The following ROBO1 variants were observed in gnomAD, a reference collection of about 807,000 sequenced individuals.
ROBO1 encodes the protein roundabout guidance receptor 1.
ROBO1 carries 149 observed loss-of-function variants against 195.9 expected under a neutral mutation model. That is an observed-to-expected ratio of 0.76 (90% CI 0.67 to 0.87). ROBO1 has a LOEUF of 0.87. Among genes scored for constraint, ROBO1 ranks in the 40% least tolerant of loss-of-function variants. The pLI, the probability that ROBO1 is intolerant of heterozygous loss-of-function variation, is 0.00. For synonymous variants in ROBO1, 816 were observed against 733.2 expected (o/e 1.11, Z -1.82); for missense variants, 1,933 against 2,068.3 (o/e 0.93, Z 1.27).
chr3:78,764,250 G>A lies in ROBO1; in HGVS notation c.500-17350C>T, dbSNP rs868060895. Among the ~76,000 whole-genome samples the A allele has an allele frequency of 3.9e-5, 6 of 152,016 alleles. 1 individual carries two copies. The South Asian group carries it at 1.0e-3, about 26-fold the overall frequency. The stretch of plus-strand genomic sequence containing the variant: ...ATGTTTTAGTTAGAAGGAATTTAGA[G>A]ATCTTTTTAGTCCAACTCTTCTTCA... On this transcript the variant is annotated intron_variant, in intron 4 of 30. Coordinates refer to ENST00000464233, the MANE Select transcript of ROBO1 (RefSeq NM_002941.4).
At chr3:78,613,910 C>T (rs1703957681) in intron 28 of ROBO1, among the ~76,000 whole-genome samples, 1 of 152,110 alleles carries the variant, frequency 6.6e-6, no homozygotes, top group Admixed American at 6.6e-5. Context: ...CTCCTCCACC[C>T]CTTTAGCAAA....
At chr3:79,089,394 C>T (rs2079435112) in intron 3 of ROBO1, among the ~76,000 whole-genome samples, 2 of 152,100 alleles carry the variant, frequency 1.3e-5, no homozygotes, top group Admixed American at 6.5e-5. Flanking sequence ...TTTTAATAGC[C>T]GACTAGTCAA....
At chr3:79,183,652 C>T (rs1055438797) in intron 2 of ROBO1, among the ~76,000 whole-genome samples, 1 of 152,252 alleles carries the variant, frequency 6.6e-6, no homozygotes, top group Admixed American at 6.5e-5. Flanking sequence ...GGTTGGGTTA[C>T]AAAGATAGGA....
At chr3:79,443,218 G>A (rs2039120184) in intron 2 of ROBO1, among the ~76,000 whole-genome samples, 1 of 152,156 alleles carries the variant, frequency 6.6e-6, no homozygotes, top group Admixed American at 6.5e-5. Flanking sequence ...CGAGGTTTAA[G>A]CCACTTGAAA....
rs138436051 is a variant in ROBO1, at chr3:79,625,068, C to T, written c.-50-35107G>A. Among the ~76,000 whole-genome samples the T allele has an allele frequency of 9.4e-3, 1,430 of 151,874 alleles. 21 individuals carry two copies. The highest frequency in any genetic ancestry group is 0.033 in the African/African-American group (1,351 of 41,442). ...ACTCACTTGAAACCACACGATTATA[C>T]GGAAAATGAACAACCTGCTTCTGAA... On this transcript the variant is annotated intron_variant, in intron 1 of 30. Coordinates refer to ENST00000464233, the MANE Select transcript of ROBO1 (RefSeq NM_002941.4).
rs1413819287 is a variant in ROBO1 at position 78,667,876 on chromosome 3, T to C, written c.1966+7A>G. On this transcript the variant is annotated splice_region_variant and intron_variant, in intron 14 of 30. Transcript: ENST00000464233. ...GGTGTCACAGGTTTAAGTAAATCAA[T>C]ATTTACCTTGTGTTTTCACTGGATC... 1.9e-6 allele frequency: 3 copies of C among 1,612,224 alleles called. No homozygotes were observed. The African/African-American group carries it at 4.0e-5, about 22-fold the overall frequency.
intron 1 of ROBO1, among the ~76,000 whole-genome samples, chr3:79,593,969 T>C (rs1247556659): frequency 6.6e-6 from 1 of 151,952 alleles, no homozygotes; most frequent in Non-Finnish European, 1.5e-5. Flanking sequence ...TTTTATCAGA[T>C]ATGTCTTTCA....
chr3:78,757,759 T>A (rs1194275821), intron 4 of ROBO1, among the ~76,000 whole-genome samples: 1 of 152,150 alleles, frequency 6.6e-6, no homozygotes, highest in Non-Finnish European at 1.5e-5. Context: ...CAAAGGAATA[T>A]TTCAGTGATA....
chr3:79,275,387 C>T (rs1176068028), intron 2 of ROBO1, among the ~76,000 whole-genome samples: 1 of 151,726 alleles, frequency 6.6e-6, no homozygotes, highest in Non-Finnish European at 1.5e-5. Flanking sequence ...AATCATATAA[C>T]CATTTCAATT....
chr3:78,887,775 C>T (rs1002696779), intron 4 of ROBO1, among the ~76,000 whole-genome samples: 7 of 152,086 alleles, frequency 4.6e-5, no homozygotes, highest in Admixed American at 2.0e-4. Flanking sequence ...AACCTGGTTG[C>T]TTGAGATCTG....
At chr3:79,243,635 T>A (rs1277755443) in intron 2 of ROBO1, among the ~76,000 whole-genome samples, 1 of 152,204 alleles carries the variant, frequency 6.6e-6, no homozygotes. Flanking sequence ...ATGTCTTCTT[T>A]TGAGAAGTGT....
intron 26 of ROBO1, 25 bp from the exon 27 acceptor site, chr3:78,618,066 C>T (rs1379392762): frequency 3.2e-6 from 5 of 1,563,576 alleles, no homozygotes; most frequent in Non-Finnish European, 4.3e-6. Flanking sequence ...ATAAATAGGT[C>T]TGGCTCAGCT....
chr3:79,589,952 A>C lies in ROBO1; in HGVS notation c.-41T>G, dbSNP rs1272533959. 2 of 1,392,488 alleles carry C rather than the reference A, an allele frequency of 1.4e-6. No homozygotes were observed. Among genetic ancestry groups the C allele is most frequent in the South Asian group, 2.3e-5 (2 of 85,892 alleles). 86.3% of individuals were successfully genotyped at this position (1,392,488 alleles called of 1,614,324 possible). A position where few individuals can be genotyped will look rare whatever the true frequency, so the allele number is the denominator to read the frequency against. On this transcript the variant is annotated 5_prime_UTR_variant, in exon 2 of 31. The change creates a new upstream start codon in the 5' untranslated region. Coordinates refer to ENST00000464233, the MANE Select transcript of ROBO1 (RefSeq NM_002941.4). ...GCATTACAACCAGCCAGTGACAGAC[A>C]ATGTGTTATCTGGGGAGATTAAAAA...
chr3:79,232,945 A>G (rs2082346009), intron 2 of ROBO1, among the ~76,000 whole-genome samples: 2 of 152,118 alleles, frequency 1.3e-5, no homozygotes, highest in Non-Finnish European at 2.9e-5. Context: ...TTTTGATAGG[A>G]TAACAGTTGA....
chr3:79,680,797 A>G (rs6762755), intron 1 of ROBO1, among the ~76,000 whole-genome samples: 91,639 of 151,734 alleles, frequency 0.6, 27,898 homozygotes, highest in South Asian at 0.69. Context: ...AATGACATGA[A>G]GGTGAGTGGC....
chr3:79,005,282 C>T (rs1372060442), intron 3 of ROBO1, among the ~76,000 whole-genome samples: 2 of 152,150 alleles, frequency 1.3e-5, no homozygotes, highest in Non-Finnish European at 2.9e-5. Flanking sequence ...TGCCTGTGAG[C>T]GTCTCATATG....
chr3:79,630,825 T>C (rs1424509773), intron 1 of ROBO1, among the ~76,000 whole-genome samples: 9 of 152,014 alleles, frequency 5.9e-5, no homozygotes, highest in Admixed American at 5.9e-4. Flanking sequence ...AACATTTCTA[T>C]ACACCAATAA....
intron 4 of ROBO1, among the ~76,000 whole-genome samples, chr3:78,909,596 A>G (rs1019751628): frequency 1.3e-5 from 2 of 151,882 alleles, no homozygotes; most frequent in Admixed American, 6.6e-5. Context: ...TGGCAACAAA[A>G]TAATTTATTT....
At chr3:79,030,126 A>G (rs1576589825) in intron 3 of ROBO1, among the ~76,000 whole-genome samples, 1 of 152,126 alleles carries the variant, frequency 6.6e-6, no homozygotes, top group Non-Finnish European at 1.5e-5. Context: ...CTAACTATCC[A>G]TTTCCTAATG....
Sources: gnomAD v4.1 joint callset for allele counts (sites outside exome capture counted in the v4.1 genomes callset) on GRCh38, gnomAD v4.1.1 for gene constraint, MANE v1.5 for transcripts, NCBI Gene and HGNC (gene_info 2026-07-23, HGNC 2026-07-21) for gene names.